The following CCDC178 variants were observed in gnomAD, a reference collection of about 807,000 sequenced individuals.
CCDC178 encodes the protein coiled-coil domain-containing protein 178.
Under a neutral mutation model 117.4 loss-of-function variants are expected in CCDC178, and 126 were observed. The observed-to-expected ratio is 1.07, with a 90% CI of 0.93 to 1.24. The LOEUF (loss-of-function observed/expected upper bound fraction) is 1.24. Ranked by LOEUF, CCDC178 falls within the 50% of genes most tolerant of loss-of-function variation. CCDC178 has a pLI of 0.00. For synonymous variants in CCDC178, 283 were observed against 313.4 expected (o/e 0.90, Z 1.02); for missense variants, 1,030 against 986.9 (o/e 1.04, Z -0.59).
At chr18:33,032,094 G>T (rs192335066) in intron 21 of CCDC178, among the ~76,000 whole-genome samples, 1 of 152,246 alleles carries the variant, frequency 6.6e-6, no homozygotes, top group East Asian at 1.9e-4. Context: ...TTAAGGAAAA[G>T]AATTGTTTCT....
At chr18:33,189,780 A>C (rs528921003) in intron 20 of CCDC178, among the ~76,000 whole-genome samples, 1 of 152,318 alleles carries the variant, frequency 6.6e-6, no homozygotes, top group African/African-American at 2.4e-5. Context: ...AACTCGGTTT[A>C]GTTGGGAACT....
intron 21 of CCDC178, among the ~76,000 whole-genome samples, chr18:33,020,303 G>C (rs886666198): frequency 6.6e-6 from 1 of 151,860 alleles, no homozygotes; most frequent in South Asian, 2.1e-4. Context: ...TGAAAGTTGT[G>C]TTGTTCTCCG....
chr18:32,999,268 A>G (rs1019309154), intron 21 of CCDC178, among the ~76,000 whole-genome samples: 1 of 151,854 alleles, frequency 6.6e-6, no homozygotes, highest in African/African-American at 2.4e-5. Context: ...AAAGGGGAGG[A>G]AAGAGGGGGA....
At chr18:33,140,935 G>A (rs1366971652) in intron 20 of CCDC178, among the ~76,000 whole-genome samples, 1 of 152,120 alleles carries the variant, frequency 6.6e-6, no homozygotes, top group Non-Finnish European at 1.5e-5. Context: ...TGAGTTATGG[G>A]GGTGAGTCTT....
chr18:33,375,860 G>A (rs1452475860), intron 5 of CCDC178, among the ~76,000 whole-genome samples: 1 of 152,100 alleles, frequency 6.6e-6, no homozygotes, highest in African/African-American at 2.4e-5. Context: ...TTCAATTCTT[G>A]CCTCCTCAGA....
At chr18:33,046,632 A>C (rs1230602301) in intron 21 of CCDC178, among the ~76,000 whole-genome samples, 3 of 152,202 alleles carry the variant, frequency 2.0e-5, no homozygotes, top group Non-Finnish European at 4.4e-5. Context: ...TGATAATGCT[A>C]CAAACTATAA....
chr18:33,313,696 G>A (rs768385462), intron 11 of CCDC178, among the ~76,000 whole-genome samples: 4 of 152,140 alleles, frequency 2.6e-5, no homozygotes, highest in Admixed American at 1.3e-4. Context: ...GTTGAGACTT[G>A]CCCCACTTGC....
chr18:33,126,986 T>TA (rs1225815316), intron 20 of CCDC178, among the ~76,000 whole-genome samples: 1,407 of 136,060 alleles, frequency 0.01, 14 homozygotes, highest in Middle Eastern at 0.031. Context: ...TGCATTTGGT[T>TA]AAAAAAAAAA....
At chr18:33,319,937 A>G (rs1452168846) in intron 11 of CCDC178, among the ~76,000 whole-genome samples, 1 of 152,160 alleles carries the variant, frequency 6.6e-6, no homozygotes, top group Non-Finnish European at 1.5e-5. Context: ...CTGGTTCAAC[A>G]TACACAAATC....
intron 9 of CCDC178, among the ~76,000 whole-genome samples, chr18:33,338,242 T>C (rs377264690): frequency 1.5e-4 from 23 of 152,098 alleles, no homozygotes; most frequent in African/African-American, 5.5e-4. Context: ...AATAAAAAAA[T>C]GAAAAACATT....
chr18:33,348,691 T>G (rs1336555836), intron 8 of CCDC178, among the ~76,000 whole-genome samples, 199 bp downstream of exon 8: 1 of 151,882 alleles, frequency 6.6e-6, no homozygotes, highest in Non-Finnish European at 1.5e-5. Context: ...AAACCAGTAC[T>G]TGGTGTATAA....
chr18:33,311,340 C>G (rs2062339252), intron 11 of CCDC178, among the ~76,000 whole-genome samples: 1 of 152,164 alleles, frequency 6.6e-6, no homozygotes, highest in Admixed American at 6.5e-5. Context: ...ACTCTCATCT[C>G]AAGACTAGTA....
intron 14 of CCDC178, among the ~76,000 whole-genome samples, chr18:33,260,243 G>A (rs1458483210): frequency 1.3e-5 from 2 of 151,930 alleles, no homozygotes; most frequent in African/African-American, 4.8e-5. Context: ...CATTCATGTT[G>A]TTGTGTGTAG....
intron 21 of CCDC178, among the ~76,000 whole-genome samples, chr18:32,977,351 G>T (rs1452713641): frequency 6.6e-6 from 1 of 152,048 alleles, no homozygotes; most frequent in Non-Finnish European, 1.5e-5. Flanking sequence ...AACACCCAAG[G>T]GTTCCGTAGA....
chr18:33,422,003 C>T (rs370421776), intron 2 of CCDC178, among the ~76,000 whole-genome samples: 1 of 152,182 alleles, frequency 6.6e-6, no homozygotes, highest in Non-Finnish European at 1.5e-5. Context: ...TCCCAAAACC[C>T]ACAAAGCAAA....
At chr18:33,256,337 A>G (rs1428063261) in intron 14 of CCDC178, among the ~76,000 whole-genome samples, 2 of 152,092 alleles carry the variant, frequency 1.3e-5, no homozygotes, top group Non-Finnish European at 2.9e-5. Context: ...AAGTGATACG[A>G]GTAAAACTAT....
At chr18:33,242,453 C>T (rs866392207) in intron 15 of CCDC178, among the ~76,000 whole-genome samples, 58 of 151,820 alleles carry the variant, frequency 3.8e-4, no homozygotes, top group African/African-American at 1.3e-3. Context: ...GAACAGTCAA[C>T]AGAGTGAAAA....
chr18:33,192,672 G>C (rs1292315531), intron 20 of CCDC178, among the ~76,000 whole-genome samples: 1 of 149,654 alleles, frequency 6.7e-6, no homozygotes, highest in Non-Finnish European at 1.5e-5. Flanking sequence ...AGGCCGAGGT[G>C]GGCGGATCAC....
At chr18:33,133,825 T>C (rs1326118826) in intron 20 of CCDC178, among the ~76,000 whole-genome samples, 1 of 151,970 alleles carries the variant, frequency 6.6e-6, no homozygotes, top group Non-Finnish European at 1.5e-5. Context: ...TTTCCTGTAA[T>C]GATCAGAAAA....
Sources: gnomAD v4.1 joint callset for allele counts (sites outside exome capture counted in the v4.1 genomes callset) on GRCh38, gnomAD v4.1.1 for gene constraint, MANE v1.5 for transcripts, NCBI Gene and HGNC (gene_info 2026-07-23, HGNC 2026-07-21) for gene names.